The following SLC9A1 variants were observed in gnomAD, a reference collection of about 807,000 sequenced individuals.
The protein encoded by SLC9A1 is sodium/hydrogen exchanger 1.
In SLC9A1, 22 loss-of-function variants were observed where a neutral mutation model predicts 67.9. The observed-to-expected ratio is 0.32, with a 90% CI of 0.23 to 0.46. The LOEUF (loss-of-function observed/expected upper bound fraction) is 0.46, where lower values mean the gene tolerates loss of function less well. Ranked by LOEUF, SLC9A1 falls within the 20% of genes least tolerant of loss-of-function variation. The pLI, the probability that SLC9A1 is intolerant of heterozygous loss-of-function variation, is 1.00. For missense variants in SLC9A1, 686 were observed against 1,094.8 expected (o/e 0.63, Z 5.27); for synonymous variants, 421 against 471.8 (o/e 0.89, Z 1.40).
intron 6 of SLC9A1, 112 bp from the exon 7 acceptor site, chr1:27,102,855 G>A: frequency 4.2e-6 from 4 of 962,896 alleles, no homozygotes; most frequent in Non-Finnish European, 6.4e-6. Context: ...GTCCAGCCCT[G>A]TGGTTCCATG....
chr1:27,110,968 G>C (rs543002998), intron 2 of SLC9A1, among the ~76,000 whole-genome samples: 43 of 152,344 alleles, frequency 2.8e-4, no homozygotes, highest in African/African-American at 1.0e-3. Flanking sequence ...GGAGTGACCT[G>C]TCTAGGGCAC....
chr1:27,144,160 A>G (rs993803845), intron 1 of SLC9A1, among the ~76,000 whole-genome samples: 7 of 152,382 alleles, frequency 4.6e-5, no homozygotes, highest in Non-Finnish European at 8.8e-5. Context: ...GTCCAGGTAC[A>G]ACTATAAATT....
At chr1:27,122,000 T>C (rs538978457) in intron 1 of SLC9A1, among the ~76,000 whole-genome samples, 79 of 152,226 alleles carry the variant, frequency 5.2e-4, no homozygotes, top group African/African-American at 1.6e-3. Flanking sequence ...CCTATAGTCC[T>C]AGCTACTCAG....
In SLC9A1 at chr1:27,131,947, A is replaced by AAATAT; in HGVS notation, c.353-17662_353-17661insATATT. ...AAAAGAAGAAGAAGAAGAAAAAAAAAATATATATATATATATATATATATA... is the reference window on the plus strand; with the variant it reads ...AAAAGAAGAAGAAGAAGAAAAAAAAAAATATATATATATATATATATATATATATA... On this transcript the variant is annotated intron_variant, in intron 1 of 11. Coordinates refer to ENST00000263980, the MANE Select transcript of SLC9A1 (RefSeq NM_003047.5). Among the ~76,000 whole-genome samples, 162 of 52,100 alleles carry AAATAT rather than the reference A, an allele frequency of 3.1e-3. 1 individual carries two copies. The highest frequency in any genetic ancestry group is 0.011 in the Middle Eastern group (1 of 92). The allele number at this position is 52,100 out of a possible 152,430, so 34.2% of individuals were successfully genotyped here.
In SLC9A1 at chr1:27,114,089, C is replaced by T; in HGVS notation, c.550G>A (p.Glu184Lys). Reference sequence around the variant, plus strand: ...AAGATCAGGATGGTGCCCAGGTTTTCTGTGAACTGCCGCAGTGGCAGGAAG... The same window carrying T: ...AAGATCAGGATGGTGCCCAGGTTTTTTGTGAACTGCCGCAGTGGCAGGAAG... ...GYFLPLRQFT[E>K]NLGTILIFAV... The change falls in exon 2 of 12, where the codon GAA (glutamate) becomes AAA (lysine). Residue 184 changes from glutamate (E) to lysine (K), a missense_variant. Around this residue, in one of 7 missense-constraint regions of SLC9A1, gnomAD observed 49 missense variants for 73.1 expected, o/e 0.67. Transcript: ENST00000263980. The surrounding 1 kb of genome is among the most constrained non-coding windows in gnomAD (Gnocchi z 5.4). The T allele has an allele frequency of 6.2e-7, 1 of 1,614,200 alleles. No individual in the cohort carries two copies. The highest frequency in any genetic ancestry group is 8.5e-7 in the Non-Finnish European group (1 of 1,180,046).
rs762334530 is a variant in SLC9A1 at position 27,101,225 on chromosome 1, C to T, written c.2088G>A (p.Met696Ile). 1.2e-6 allele frequency: 2 copies of T among 1,611,962 alleles called. No homozygotes were observed. The highest frequency in any genetic ancestry group is 1.7e-6 in the Non-Finnish European group (2 of 1,179,980). ...TACCTGAGCCGATGCGGGCCCGAGA[C>T]ATGGTGGGTGAGTCCAGCTTGTGGG... ...VPAHKLDSPT[M>I]SRARIGSDPL... is the part of the protein sequence containing the mutation. The change falls in exon 11 of 12, where the codon ATG (methionine) becomes ATA (isoleucine). Residue 696 changes from methionine to isoleucine, a missense_variant. Physicochemically the swap from Met to Ile is conservative, Grantham distance 10. Coordinates refer to ENST00000263980, the MANE Select transcript of SLC9A1 (RefSeq NM_003047.5). The surrounding 1 kb of genome is among the most constrained non-coding windows in gnomAD (Gnocchi z 4.9).
Position 27,102,732 on chromosome 1 carries a change from G to C in SLC9A1, c.1587C>G (p.His529Gln). 1 of 1,613,680 alleles carries C rather than the reference G, an allele frequency of 6.2e-7. No homozygotes were observed. The highest frequency in any genetic ancestry group is 1.3e-5 in the African/African-American group (1 of 75,032). ...AGATGTCTTCGATGCCTGTCAGAAG[G>C]TGGTCCAGGAACTGAAAGGGGCCCA... ...NEEIHTQFLD[H>Q]LLTGIEDICG... Residue 529 changes from histidine to glutamine, a missense_variant, in exon 7 of 12, where the codon CAC (histidine) becomes CAG (glutamine). This residue lies in a region of SLC9A1 where 168 missense variants were observed against 375.4 expected (regional missense o/e 0.45). Transcript: ENST00000263980.
intron 1 of SLC9A1, among the ~76,000 whole-genome samples, chr1:27,129,743 G>A (rs1293397992): frequency 1.3e-5 from 2 of 152,138 alleles, no homozygotes; most frequent in Non-Finnish European, 2.9e-5. Flanking sequence ...ACTGGTCCTT[G>A]CTTGGAACAT....
intron 1 of SLC9A1, among the ~76,000 whole-genome samples, chr1:27,143,326 T>A (rs953134570): frequency 6.6e-6 from 1 of 152,080 alleles, no homozygotes; most frequent in Non-Finnish European, 1.5e-5. Context: ...CCCTCATCTC[T>A]CCTCTCCTCT....
chr1:27,150,457 C>T (rs2083519039), intron 1 of SLC9A1, among the ~76,000 whole-genome samples: 1 of 152,072 alleles, frequency 6.6e-6, no homozygotes, highest in Non-Finnish European at 1.5e-5. Context: ...GTGAGGCTCT[C>T]CTCTGGAATA....
intron 2 of SLC9A1, among the ~76,000 whole-genome samples, chr1:27,111,533 C>T (rs1053866789): frequency 9.9e-5 from 15 of 152,156 alleles, no homozygotes; most frequent in Admixed American, 2.0e-4. Flanking sequence ...CAGTGGCTCA[C>T]GCCTGTAATC....
intron 1 of SLC9A1, among the ~76,000 whole-genome samples, chr1:27,134,192 A>G (rs1570877153): frequency 2.6e-5 from 4 of 152,248 alleles, no homozygotes; most frequent in Admixed American, 2.0e-4. Context: ...CCCACTGCCC[A>G]GGAAGAGGAA....
In SLC9A1 at chr1:27,101,436, C is replaced by T. The variant is rs960746725; in HGVS notation, c.2038-161G>A. On this transcript the variant is annotated intron_variant, in intron 10 of 11. Transcript: ENST00000263980. This position sits in a 1 kb window ranked among gnomAD's most constrained non-coding sequence, Gnocchi z 4.9. ...ACCCGTACTGGCCCCTCAGGAGCTC[C>T]TAAGGGCTCATCCCAGGCTCCTGTC... 1.3e-5 allele frequency among the ~76,000 whole-genome samples: 2 copies of T among 152,148 alleles called. No individual in the cohort carries two copies. The highest frequency in any genetic ancestry group is 4.8e-5 in the African/African-American group (2 of 41,416).
At chr1:27,108,861 T>A (rs1487153160) in intron 3 of SLC9A1, among the ~76,000 whole-genome samples, 1 of 152,150 alleles carries the variant, frequency 6.6e-6, no homozygotes, top group South Asian at 2.1e-4. Context: ...CCTGGGTTCA[T>A]TCCCCTCAAG....
intron 1 of SLC9A1, among the ~76,000 whole-genome samples, chr1:27,134,768 G>C (rs1266956710): frequency 6.6e-6 from 1 of 152,168 alleles, no homozygotes; most frequent in Non-Finnish European, 1.5e-5. Context: ...AGAGCAAATT[G>C]CTCTGTCACC....
chr1:27,138,857 A>G (rs954426882), intron 1 of SLC9A1, among the ~76,000 whole-genome samples: 11 of 152,048 alleles, frequency 7.2e-5, no homozygotes, highest in Admixed American at 7.2e-4. Flanking sequence ...AGCAGGGGAA[A>G]CACCATGCTC....
chr1:27,131,618 C>T (rs796770503), intron 1 of SLC9A1, among the ~76,000 whole-genome samples: 26 of 151,286 alleles, frequency 1.7e-4, no homozygotes, highest in African/African-American at 5.6e-4. Flanking sequence ...CGTGGTGGCG[C>T]GCGCCTGTAG....
rs1281277041 is a variant in SLC9A1 at position 27,154,154 on chromosome 1, T to A, written c.181A>T (p.Thr61Ser). ...GGGGTGACCTCCGGTGGAGCGGTGG[T>A]GACATCCCCAATCGAGCGTTCTCGT... is the stretch of plus-strand genomic sequence containing the variant. The part of the protein sequence containing the change: ...PPRERSIGDV[T>S]TAPPEVTPES... Residue 61 changes from threonine (T) to serine (S), a missense_variant, in exon 1 of 12, where the codon ACC becomes TCC. Around this residue, in one of 7 missense-constraint regions of SLC9A1, gnomAD observed 143 missense variants for 166.7 expected, o/e 0.86. Coordinates refer to ENST00000263980, the MANE Select transcript of SLC9A1 (RefSeq NM_003047.5). The A allele has an allele frequency of 6.2e-7, 1 of 1,613,954 alleles. No individual in the cohort carries two copies. Among genetic ancestry groups the A allele is most frequent in the Non-Finnish European group, 8.5e-7 (1 of 1,179,982 alleles).
intron 1 of SLC9A1, among the ~76,000 whole-genome samples, chr1:27,122,921 C>T (rs1303666586): frequency 6.6e-6 from 1 of 151,884 alleles, no homozygotes; most frequent in African/African-American, 2.4e-5. Context: ...AGAGGCAGAG[C>T]TCCAACAGGC....
Sources: allele counts gnomAD v4.1 joint callset (sites outside exome capture counted in the v4.1 genomes callset), GRCh38; gene constraint gnomAD v4.1.1; regional missense constraint gnomAD v4.1.1; non-coding constraint Gnocchi (gnomAD v3.1); transcripts MANE v1.5; gene names NCBI Gene and HGNC (gene_info 2026-07-23, HGNC 2026-07-21).